Variants in GALNT18 observed in about 807,000 individuals in gnomAD.
The protein encoded by GALNT18 is polypeptide N-acetylgalactosaminyltransferase 18.
In GALNT18, 44 loss-of-function variants were observed where a neutral mutation model predicts 69.5. The ratio of observed to expected loss-of-function variants is 0.63; its 90% CI spans 0.50 to 0.81. The LOEUF (loss-of-function observed/expected upper bound fraction) is 0.81, where lower values mean the gene tolerates loss of function less well. GALNT18 is among the 40% of genes least tolerant of loss of function. GALNT18 has a pLI of 0.00. For missense variants in GALNT18, 715 were observed against 810.0 expected, an observed-to-expected ratio of 0.88 and a Z score of 1.42; for synonymous variants, 364 against 318.2, an observed-to-expected ratio of 1.14 and a Z score of -1.53.
intron 3 of GALNT18, among the ~76,000 whole-genome samples, chr11:11,409,142 C>T (rs1327176943): frequency 6.6e-6 from 1 of 152,190 alleles, no homozygotes; most frequent in Non-Finnish European, 1.5e-5. Flanking sequence ...AGATGCCACT[C>T]CCTGCTGAGG....
At chr11:11,273,003 G>GC (rs74402321) in intron 10 of GALNT18, among the ~76,000 whole-genome samples, 18,927 of 152,158 alleles carry the variant, frequency 0.12, 1,772 homozygotes, top group Admixed American at 0.28. Context: ...TGAAACTAGA[G>GC]CCCTATCTCT....
intron 9 of GALNT18, among the ~76,000 whole-genome samples, chr11:11,302,740 G>A (rs900255972): frequency 5.3e-5 from 8 of 152,246 alleles, no homozygotes; most frequent in Non-Finnish European, 1.0e-4. Flanking sequence ...AGACAGCAAA[G>A]AGCCGCAAAG....
chr11:11,367,463 G>A (rs1850797491), intron 6 of GALNT18, among the ~76,000 whole-genome samples: 1 of 152,162 alleles, frequency 6.6e-6, no homozygotes, highest in African/African-American at 2.4e-5. Context: ...CCAACAGCAA[G>A]GCCTTTCTGG....
At position 11,306,928 on chromosome 11, in the gene GALNT18, C is replaced by T. The variant is rs150284869; in HGVS notation, c.1513-13735G>A. Among the ~76,000 whole-genome samples, 504 of 152,340 alleles carry T rather than the reference C, an allele frequency of 3.3e-3. 6 individuals carry two copies. Among genetic ancestry groups the T allele is most frequent in the Non-Finnish European group, 2.6e-3 (178 of 68,036 alleles). ...AGCATAGACCTGATGGGCACTCGTGCATTGGTGCTGGCCTTCTCTTGCTGC... is the reference window on the plus strand; with the variant it reads ...AGCATAGACCTGATGGGCACTCGTGTATTGGTGCTGGCCTTCTCTTGCTGC... On this transcript the variant is annotated intron_variant, in intron 9 of 10. Coordinates refer to ENST00000227756, the MANE Select transcript of GALNT18 (RefSeq NM_198516.3).
chr11:11,319,272 T>A (rs1344363583), intron 9 of GALNT18, among the ~76,000 whole-genome samples: 1 of 152,210 alleles, frequency 6.6e-6, no homozygotes, highest in Non-Finnish European at 1.5e-5. Flanking sequence ...GTCATGAAGC[T>A]CAAATGTTGC....
At chr11:11,283,319 G>C (rs1353062458) in intron 10 of GALNT18, among the ~76,000 whole-genome samples, 2 of 152,134 alleles carry the variant, frequency 1.3e-5, no homozygotes, top group Admixed American at 1.3e-4. Flanking sequence ...GCTAGTATTT[G>C]TATTTTTAGG....
chr11:11,423,823 C>T (rs1448188786), intron 3 of GALNT18, among the ~76,000 whole-genome samples: 1 of 152,236 alleles, frequency 6.6e-6, no homozygotes, highest in East Asian at 1.9e-4. Flanking sequence ...GCTGGGTCTG[C>T]CTCCCTGTTA....
rs1433260638 is a variant in GALNT18 at position 11,618,306 on chromosome 11, C to T, written c.235+3053G>A. Among the ~76,000 whole-genome samples, 1 of 152,220 alleles carries T rather than the reference C, an allele frequency of 6.6e-6. No homozygotes were observed. Among genetic ancestry groups the T allele is most frequent in the Non-Finnish European group, 1.5e-5 (1 of 68,038 alleles). On this transcript the variant is annotated intron_variant, in intron 1 of 10. Transcript: ENST00000227756. This position sits in a 1 kb window ranked among gnomAD's most constrained non-coding sequence, Gnocchi z 6.1. The stretch of plus-strand genomic sequence containing the variant: ...TGGTAACACTTTCATTAATAACCAA[C>T]GTGGCCATAGGCATCAGCACTCATC...
At chr11:11,302,576 A>G (rs1248142451) in intron 9 of GALNT18, among the ~76,000 whole-genome samples, 2 of 152,160 alleles carry the variant, frequency 1.3e-5, no homozygotes, top group Non-Finnish European at 2.9e-5. Context: ...AAGCCACATC[A>G]AGCAGAAACA....
chr11:11,467,837 A>G (rs938658604), intron 1 of GALNT18, among the ~76,000 whole-genome samples: 1 of 152,172 alleles, frequency 6.6e-6, no homozygotes, highest in African/African-American at 2.4e-5. Flanking sequence ...TGCAGCCAAG[A>G]TTTAGAACCA....
rs1217369481 is a variant in GALNT18 at position 11,546,567 on chromosome 11, T to A, written c.235+74792A>T. On this transcript the variant is annotated intron_variant, in intron 1 of 10. Transcript: ENST00000227756. The surrounding 1 kb of genome is among the most constrained non-coding windows in gnomAD (Gnocchi z 5.8). Reference sequence around the variant, plus strand: ...AGGTATCACGGCTCCCATTGCTCACTGGATAAACACAAAATCTTGACCGTG... The same window carrying A: ...AGGTATCACGGCTCCCATTGCTCACAGGATAAACACAAAATCTTGACCGTG... 6.6e-6 allele frequency among the ~76,000 whole-genome samples: 1 copy of A among 152,188 alleles called. No individual in the cohort carries two copies. The highest frequency in any genetic ancestry group is 1.5e-5 in the Non-Finnish European group (1 of 68,030).
chr11:11,438,084 G>T (rs1033212936), intron 2 of GALNT18, among the ~76,000 whole-genome samples: 3 of 152,170 alleles, frequency 2.0e-5, no homozygotes, highest in Non-Finnish European at 4.4e-5. Flanking sequence ...CCCCAGGATC[G>T]GCACTGTCTT....
intron 3 of GALNT18, among the ~76,000 whole-genome samples, chr11:11,403,754 A>G (rs1301598905): frequency 1.3e-5 from 2 of 152,124 alleles, no homozygotes; most frequent in African/African-American, 4.8e-5. Flanking sequence ...CTGTGCTGTG[A>G]ACTCTGCTAA....
intron 1 of GALNT18, among the ~76,000 whole-genome samples, chr11:11,553,351 C>T (rs1168104272): frequency 2.0e-5 from 3 of 152,212 alleles, no homozygotes; most frequent in Admixed American, 1.3e-4. Flanking sequence ...TTTGCCTTCC[C>T]AGTCAAGCAC....
At position 11,463,694 on chromosome 11, in the gene GALNT18, A is replaced by G. The variant is rs373604143; in HGVS notation, c.236-14758T>C. Among the ~76,000 whole-genome samples the G allele has an allele frequency of 6.6e-6, 1 of 152,178 alleles. No homozygotes were observed. Among genetic ancestry groups the G allele is most frequent in the East Asian group, 1.9e-4 (1 of 5,200 alleles). On this transcript the variant is annotated intron_variant, in intron 1 of 10. Coordinates refer to ENST00000227756, the MANE Select transcript of GALNT18 (RefSeq NM_198516.3). This position sits in a 1 kb window ranked among gnomAD's most constrained non-coding sequence, Gnocchi z 4.2. ...AAAACTGAACAAACAGGCCCTCCCA[A>G]CCCCAGGCCCTGGCAGGATAGGGAA... is the stretch of plus-strand genomic sequence containing the variant.
In GALNT18 at chr11:11,430,971, A is replaced by T. The variant is rs1208261579; in HGVS notation, c.595+1650T>A. On this transcript the variant is annotated intron_variant, in intron 3 of 10. Coordinates refer to ENST00000227756, the MANE Select transcript of GALNT18 (RefSeq NM_198516.3). The surrounding 1 kb of genome is among the most constrained non-coding windows in gnomAD (Gnocchi z 4.9). The stretch of plus-strand genomic sequence containing the variant: ...TTGCCATTTACAAAATAGAGTTCAA[A>T]CTCTTTAAGTTCAAATAGGAAATCC... Among the ~76,000 whole-genome samples the T allele has an allele frequency of 6.6e-6, 1 of 152,082 alleles. No homozygotes were observed. The highest frequency in any genetic ancestry group is 1.5e-5 in the Non-Finnish European group (1 of 68,006).
chr11:11,591,088 G>T lies in GALNT18; in HGVS notation c.235+30271C>A, dbSNP rs1859347073. 6.6e-6 allele frequency among the ~76,000 whole-genome samples: 1 copy of T among 151,930 alleles called. No homozygotes were observed. The highest frequency in any genetic ancestry group is 2.4e-5 in the African/African-American group (1 of 41,350). ...AGATGACAGCTCTATGCATGTTATT[G>T]CCCAATGGGACAAGATGTGGAGGTG... is the stretch of plus-strand genomic sequence containing the variant. On this transcript the variant is annotated intron_variant, in intron 1 of 10. Transcript: ENST00000227756. This position sits in a 1 kb window ranked among gnomAD's most constrained non-coding sequence, Gnocchi z 4.8.
At chr11:11,525,820 G>T (rs1267844317) in intron 1 of GALNT18, among the ~76,000 whole-genome samples, 1 of 151,850 alleles carries the variant, frequency 6.6e-6, no homozygotes, top group Non-Finnish European at 1.5e-5. Context: ...TTTTAGTAGA[G>T]ACAGGGTTTC....
chr11:11,290,881 C>T (rs567664483), intron 10 of GALNT18, among the ~76,000 whole-genome samples: 109 of 152,276 alleles, frequency 7.2e-4, no homozygotes, highest in Middle Eastern at 3.4e-3. Context: ...AAGACCATTT[C>T]GCCCCAGCAA....
Sources: gnomAD v4.1 joint callset for allele counts (sites outside exome capture counted in the v4.1 genomes callset) on GRCh38, gnomAD v4.1.1 for gene constraint, Gnocchi (gnomAD v3.1) non-coding constraint, MANE v1.5 for transcripts, NCBI Gene and HGNC (gene_info 2026-07-23, HGNC 2026-07-21) for gene names.